Variants in ADGRL3 observed in about 807,000 individuals in gnomAD.
The protein encoded by ADGRL3 is adhesion G protein-coupled receptor L3.
ADGRL3 carries 62 observed loss-of-function variants against 153.5 expected under a neutral mutation model. That is an observed-to-expected ratio of 0.40 (90% CI 0.33 to 0.50). ADGRL3 has a LOEUF of 0.50. Among genes scored for constraint, ADGRL3 ranks in the 20% least tolerant of loss-of-function variants. The pLI, the probability that ADGRL3 is intolerant of heterozygous loss-of-function variation, is 0.47. For missense variants in ADGRL3, 1,641 were observed against 1,859.4 expected, an observed-to-expected ratio of 0.88 and a Z score of 2.16; for synonymous variants, 710 against 672.5, an observed-to-expected ratio of 1.06 and a Z score of -0.86.
chr4:61,863,389 C>T (rs1228262072), intron 9 of ADGRL3, among the ~76,000 whole-genome samples: 1 of 151,436 alleles, frequency 6.6e-6, no homozygotes, highest in African/African-American at 2.4e-5. Context: ...AGGCGCCCGC[C>T]ACTACGCCCG....
intron 5 of ADGRL3, among the ~76,000 whole-genome samples, chr4:61,602,113 C>T (rs2099014652): frequency 6.6e-6 from 1 of 151,046 alleles, no homozygotes; most frequent in South Asian, 2.1e-4. Flanking sequence ...AATGACCTCC[C>T]TGTCTTATAT....
intron 1 of ADGRL3, among the ~76,000 whole-genome samples, chr4:61,236,074 A>T (rs1019568268): frequency 1.6e-5 from 2 of 123,296 alleles, no homozygotes; most frequent in Non-Finnish European, 3.1e-5. Flanking sequence ...CAGTGGCTCT[A>T]TCTCAGCTCA....
At chr4:61,591,967 T>A (rs1165231627) in intron 5 of ADGRL3, among the ~76,000 whole-genome samples, 2 of 150,662 alleles carry the variant, frequency 1.3e-5, no homozygotes, top group African/African-American at 4.9e-5. Flanking sequence ...TCCCAGCTGC[T>A]CGGGGTTGCT....
chr4:61,221,226 G>A (rs1745340237), intron 1 of ADGRL3, among the ~76,000 whole-genome samples: 1 of 152,106 alleles, frequency 6.6e-6, no homozygotes, highest in South Asian at 2.1e-4. Context: ...AAATGTATTG[G>A]ATATTATGAG....
At chr4:61,822,753 T>A (rs1173400055) in intron 9 of ADGRL3, among the ~76,000 whole-genome samples, 1 of 152,156 alleles carries the variant, frequency 6.6e-6, no homozygotes, top group Non-Finnish European at 1.5e-5. Context: ...TGTTAGTCAG[T>A]TTGTCCTGGT....
chr4:61,567,417 G>A (rs770045204), intron 4 of ADGRL3, among the ~76,000 whole-genome samples: 2 of 152,254 alleles, frequency 1.3e-5, no homozygotes, highest in East Asian at 1.9e-4. Flanking sequence ...ATAAGATCAC[G>A]AAGGCAGAGC....
At position 61,844,273 on chromosome 4, in the gene ADGRL3, C is replaced by T. The variant is rs143347302; in HGVS notation, c.1480+30384C>T. 4.0e-3 allele frequency among the ~76,000 whole-genome samples: 605 copies of T among 150,776 alleles called. 5 individuals are homozygous for T. The highest frequency in any genetic ancestry group is 0.014 in the African/African-American group (582 of 41,040). ...ATTAAAATGTCTATAGATGGCCAGG[C>T]GCGGTGGCTCACGCCTGTAATCCCA... On this transcript the variant is annotated intron_variant, in intron 9 of 26. Transcript: ENST00000683033.
At chr4:61,582,943 G>A (rs1350936606) in intron 4 of ADGRL3, among the ~76,000 whole-genome samples, 1 of 151,894 alleles carries the variant, frequency 6.6e-6, no homozygotes, top group African/African-American at 2.4e-5. Flanking sequence ...ATATTAACAT[G>A]ATTTTAGCCT....
chr4:61,264,934 C>T (rs2092756886), intron 1 of ADGRL3, among the ~76,000 whole-genome samples: 1 of 151,888 alleles, frequency 6.6e-6, no homozygotes, highest in East Asian at 1.9e-4. Flanking sequence ...CCATGTATGT[C>T]AGTAAAAGGC....
chr4:61,330,629 G>C (rs564285755), intron 1 of ADGRL3, among the ~76,000 whole-genome samples: 1 of 152,078 alleles, frequency 6.6e-6, no homozygotes, highest in African/African-American at 2.4e-5. Context: ...AGACCTTCAC[G>C]GTGAGTGTTA....
At chr4:61,717,844 G>C (rs550177884) in intron 6 of ADGRL3, among the ~76,000 whole-genome samples, 2 of 152,092 alleles carry the variant, frequency 1.3e-5, no homozygotes, top group South Asian at 4.2e-4. Context: ...GATCAGCCTG[G>C]CCAACGTGGT....
intron 9 of ADGRL3, among the ~76,000 whole-genome samples, chr4:61,887,677 T>G (rs941445799): frequency 2.0e-5 from 3 of 151,990 alleles, no homozygotes; most frequent in African/African-American, 7.3e-5. Context: ...AAAACCTGTC[T>G]CTACTAAAAA....
intron 1 of ADGRL3, among the ~76,000 whole-genome samples, chr4:61,323,010 A>G (rs77613187): frequency 0.032 from 4,945 of 152,294 alleles, 163 homozygotes; most frequent in African/African-American, 0.08. Context: ...AGGTGTTTCC[A>G]TAAATCCTGT....
intron 8 of ADGRL3, among the ~76,000 whole-genome samples, chr4:61,778,567 A>T (rs1423213326): frequency 1.3e-5 from 2 of 152,232 alleles, no homozygotes; most frequent in Non-Finnish European, 1.5e-5. Context: ...TATCTGCAAC[A>T]TTCGGTTTTT....
chr4:61,561,813 T>C (rs1002595125), intron 4 of ADGRL3, among the ~76,000 whole-genome samples: 2 of 151,976 alleles, frequency 1.3e-5, no homozygotes, highest in African/African-American at 4.8e-5. Flanking sequence ...ATTATTATTA[T>C]TATTTTGGGA....
At chr4:61,979,191 C>A (rs901482685) in intron 17 of ADGRL3, among the ~76,000 whole-genome samples, 8 of 152,134 alleles carry the variant, frequency 5.3e-5, no homozygotes, top group Non-Finnish European at 1.0e-4. Context: ...GTATTCCCTA[C>A]TGGAGATGGT....
At chr4:61,851,306 G>T (rs959418732) in intron 9 of ADGRL3, among the ~76,000 whole-genome samples, 4 of 152,026 alleles carry the variant, frequency 2.6e-5, no homozygotes, top group African/African-American at 9.7e-5. Flanking sequence ...GTGAGGTGTG[G>T]CCGGGAGCAG....
chr4:61,378,526 G>A (rs1283786235), intron 1 of ADGRL3, among the ~76,000 whole-genome samples: 1 of 151,948 alleles, frequency 6.6e-6, no homozygotes, highest in African/African-American at 2.4e-5. Context: ...TGAGACTTCA[G>A]CACAGTGTTT....
chr4:61,624,780 T>C (rs1056426366), intron 5 of ADGRL3, among the ~76,000 whole-genome samples: 1 of 152,132 alleles, frequency 6.6e-6, no homozygotes, highest in Non-Finnish European at 1.5e-5. Context: ...ATTAAGAATT[T>C]GAAGTGAAGA....
Sources: allele counts gnomAD v4.1 joint callset (sites outside exome capture counted in the v4.1 genomes callset), GRCh38; gene constraint gnomAD v4.1.1; transcripts MANE v1.5; gene names NCBI Gene and HGNC (gene_info 2026-07-23, HGNC 2026-07-21).